ZNF479: variants seen among roughly 807,000 people sequenced by gnomAD.
ZNF479 encodes zinc finger protein 479, also known as KRAB zinc finger protein KR19.
In ZNF479, 15 loss-of-function variants were observed where a neutral mutation model predicts 14.7. That is an observed-to-expected ratio of 1.02 (90% CI 0.68 to 1.57). ZNF479 has a LOEUF of 1.57. Ranked by LOEUF, ZNF479 falls within the 40% of genes most tolerant of loss-of-function variation. The pLI, the probability that ZNF479 is intolerant of heterozygous loss-of-function variation, is 0.00. For synonymous variants in ZNF479, 145 were observed against 211.5 expected (o/e 0.69, Z 2.73); for missense variants, 506 against 615.1 (o/e 0.82, Z 1.88).
intron 1 of ZNF479, 31 bp downstream of exon 1, chr7:57,132,255 C>A: frequency 6.2e-7 from 1 of 1,614,028 alleles, no homozygotes; most frequent in South Asian, 1.1e-5. Flanking sequence ...AGCCCCCACC[C>A]CTCTCTCACG....
upstream of ZNF479, chr7:57,132,471 C>G (rs1199582241): frequency 2.4e-6 from 3 of 1,240,822 alleles, no homozygotes; most frequent in Non-Finnish European, 3.4e-6. Context: ...CTGTTCTTTC[C>G]AGCTGCAAGC....
chr7:57,126,839 C>T (rs1786190863), intron 1 of ZNF479, 121 bp from the exon 2 acceptor site: 2 of 793,586 alleles, frequency 2.5e-6, no homozygotes, highest in African/African-American at 1.8e-5. Flanking sequence ...TTCTCACTTA[C>T]AAGAGTGACT....
chr7:57,132,544 T>C (rs1786483087), upstream of ZNF479, among the ~76,000 whole-genome samples: 1 of 152,128 alleles, frequency 6.6e-6, no homozygotes, highest in Non-Finnish European at 1.5e-5. Context: ...CCACCCTTCA[T>C]GCCCTGAGTG....
chr7:57,130,752 G>C (rs1383498858), intron 1 of ZNF479, among the ~76,000 whole-genome samples: 26 of 152,104 alleles, frequency 1.7e-4, no homozygotes, highest in Admixed American at 1.6e-3. Flanking sequence ...TCCCGCAATT[G>C]GGAATATACC....
At chr7:57,134,933 C>T (rs1786581807), upstream of ZNF479, among the ~76,000 whole-genome samples, 1 of 152,082 alleles carries the variant, frequency 6.6e-6, no homozygotes, top group South Asian at 2.1e-4. Context: ...CCTCTGCCTC[C>T]CAAATTGCCG....
intron 1 of ZNF479, among the ~76,000 whole-genome samples, chr7:57,138,022 A>G (rs1786723471): frequency 6.6e-6 from 1 of 152,112 alleles, no homozygotes; most frequent in Non-Finnish European, 1.5e-5. Flanking sequence ...ATTGTGACAT[A>G]TTGCTTTTCC....
At chr7:57,124,202 C>T (rs1269992894) in intron 3 of ZNF479, among the ~76,000 whole-genome samples, 5 of 151,886 alleles carry the variant, frequency 3.3e-5, no homozygotes, top group African/African-American at 1.2e-4. Flanking sequence ...AGGCACTATA[C>T]TTCATAATTT....
intron 3 of ZNF479, among the ~76,000 whole-genome samples, chr7:57,123,826 A>C (rs956686157): frequency 5.9e-5 from 9 of 152,194 alleles, no homozygotes; most frequent in East Asian, 3.9e-4. Context: ...GAGTGAGAAA[A>C]TCTGAGTCAA....
upstream of ZNF479, among the ~76,000 whole-genome samples, chr7:57,135,969 C>G (rs1192391720): frequency 3.1e-5 from 4 of 127,814 alleles, no homozygotes; most frequent in African/African-American, 1.1e-4. Context: ...CAATCTCTCT[C>G]TCAATCTCTC....
intron 1 of ZNF479, among the ~76,000 whole-genome samples, chr7:57,130,600 C>CA (rs1196839790): frequency 6.6e-6 from 1 of 151,546 alleles, no homozygotes; most frequent in Non-Finnish European, 1.5e-5. Context: ...AAAGTAAAAA[C>CA]AAAAACAAAA....
In ZNF479 at chr7:57,120,733, G is replaced by T. The variant is rs1554400301; in HGVS notation, c.682C>A (p.His228Asn). The change falls in exon 4 of 4, where the codon CAT becomes AAT. Residue 228 changes from histidine to asparagine, a missense_variant. His to Asn is a moderately conservative substitution (Grantham distance 68). Around this residue, in one of 3 missense-constraint regions of ZNF479, gnomAD observed 420 missense variants for 474.2 expected, o/e 0.89. Transcript: ENST00000319636. The stretch of plus-strand genomic sequence containing the variant: ...GTATGAATTATTTTATGTGTAGTAT[G>T]GTTTGAGGAGCAGTTAAAGGATTTG... ...CGKSFNCSSN[H>N]TTHKIIHTGE... 6.2e-7 allele frequency: 1 copy of T among 1,612,484 alleles called. No individual in the cohort carries two copies. The highest frequency in any genetic ancestry group is 1.3e-5 in the African/African-American group (1 of 74,942).
intron 1 of ZNF479, among the ~76,000 whole-genome samples, chr7:57,127,193 T>C (rs1786213284): frequency 6.6e-6 from 1 of 151,982 alleles, no homozygotes; most frequent in African/African-American, 2.4e-5. Flanking sequence ...TGGCTAATTT[T>C]TGTATTTTTA....
At chr7:57,132,471 C>T (rs1199582241), upstream of ZNF479, 4 of 1,240,700 alleles carry the variant, frequency 3.2e-6, no homozygotes, top group Admixed American at 2.1e-5. Flanking sequence ...CTGTTCTTTC[C>T]AGCTGCAAGC....
upstream of ZNF479, among the ~76,000 whole-genome samples, chr7:57,133,826 A>C (rs1194792734): frequency 6.6e-6 from 1 of 152,192 alleles, no homozygotes; most frequent in Non-Finnish European, 1.5e-5. Context: ...AGATCACACC[A>C]CAGCACCCCA....
At chr7:57,137,197 C>G (rs975850917), upstream of ZNF479, among the ~76,000 whole-genome samples, 3 of 152,134 alleles carry the variant, frequency 2.0e-5, no homozygotes, top group Admixed American at 2.0e-4. Context: ...AATGCAGCGG[C>G]ACAATCTTTG....
intron 3 of ZNF479, among the ~76,000 whole-genome samples, chr7:57,124,061 C>A (rs1212399800): frequency 6.6e-6 from 1 of 152,128 alleles, no homozygotes; most frequent in African/African-American, 2.4e-5. Flanking sequence ...GTCAGTATAA[C>A]CCACAGTGGT....
Position 57,125,900 on chromosome 7 carries a change from C to T in ZNF479, c.262+118G>A, listed in dbSNP as rs1583937571. 8 of 1,381,570 alleles carry T rather than the reference C, an allele frequency of 5.8e-6. No individual in the cohort carries two copies. The East Asian group carries it at 1.8e-4, about 32-fold the overall frequency. 85.6% of individuals were successfully genotyped at this position (1,381,570 alleles called of 1,614,324 possible). A position where few individuals can be genotyped will look rare whatever the true frequency, so the allele number is the denominator to read the frequency against. On this transcript the variant is annotated intron_variant, in intron 3 of 3. Transcript: ENST00000319636. ...GAGCAAAAGAAAAAAATGACTTGAG[C>T]TTCTCAGAAACTCTTTTCATCAAAG...
intron 1 of ZNF479, among the ~76,000 whole-genome samples, chr7:57,130,459 T>C (rs1786365918): frequency 6.7e-6 from 1 of 148,870 alleles, no homozygotes; most frequent in African/African-American, 2.5e-5. Context: ...GGTGTAAGAG[T>C]GAAACTCTGT....
intron 1 of ZNF479, among the ~76,000 whole-genome samples, chr7:57,139,347 C>T (rs977084212): frequency 6.6e-6 from 1 of 152,214 alleles, no homozygotes; most frequent in Non-Finnish European, 1.5e-5. Flanking sequence ...GAGGCTGTGG[C>T]TCTGCTACTG....
Sources: allele counts gnomAD v4.1 joint callset (sites outside exome capture counted in the v4.1 genomes callset), GRCh38; gene constraint gnomAD v4.1.1; regional missense constraint gnomAD v4.1.1; transcripts MANE v1.5; gene names NCBI Gene and HGNC (gene_info 2026-07-23, HGNC 2026-07-21).